The following DOCK4 variants were observed in gnomAD, a reference collection of about 807,000 sequenced individuals.
DOCK4 encodes the protein dedicator of cytokinesis 4.
DOCK4 carries 97 observed loss-of-function variants against 268.1 expected under a neutral mutation model. That is an observed-to-expected ratio of 0.36 (90% CI 0.31 to 0.43). DOCK4 has a LOEUF of 0.43. Ranked by LOEUF, DOCK4 falls within the 20% of genes least tolerant of loss-of-function variation. The pLI, the probability that DOCK4 is intolerant of heterozygous loss-of-function variation, is 1.00. For missense variants in DOCK4, 2,145 were observed against 2,455.7 expected, an observed-to-expected ratio of 0.87 and a Z score of 2.67; for synonymous variants, 954 against 887.2, an observed-to-expected ratio of 1.08 and a Z score of -1.34.
At chr7:112,119,379 A>G (rs559762232) in intron 1 of DOCK4, among the ~76,000 whole-genome samples, 73 of 151,942 alleles carry the variant, frequency 4.8e-4, no homozygotes, top group Middle Eastern at 6.8e-3. Context: ...AAATATGTCC[A>G]GGGCAAGACA....
intron 34 of DOCK4, among the ~76,000 whole-genome samples, chr7:111,783,443 G>A (rs1484326839): frequency 2.0e-5 from 3 of 151,958 alleles, no homozygotes; most frequent in Non-Finnish European, 1.5e-5. Context: ...TCTCACCCAC[G>A]TCCCCTTTTT....
intron 36 of DOCK4, among the ~76,000 whole-genome samples, chr7:111,770,605 G>A (rs1433719372): frequency 1.3e-5 from 2 of 152,154 alleles, no homozygotes. Flanking sequence ...TAGCCCAATA[G>A]ATCAAGAATA....
At chr7:112,125,242 C>T (rs758045108) in intron 1 of DOCK4, among the ~76,000 whole-genome samples, 1 of 152,176 alleles carries the variant, frequency 6.6e-6, no homozygotes, top group African/African-American at 2.4e-5. Flanking sequence ...ATGCTCCCCC[C>T]CTGCCCCATC....
intron 26 of DOCK4, among the ~76,000 whole-genome samples, chr7:111,823,874 A>G (rs1253660418): frequency 2.6e-5 from 4 of 152,212 alleles, no homozygotes; most frequent in Non-Finnish European, 4.4e-5. Context: ...GTTGTCACTC[A>G]TGTGCACAGA....
At chr7:112,122,236 A>G (rs1261681125) in intron 1 of DOCK4, among the ~76,000 whole-genome samples, 1 of 152,180 alleles carries the variant, frequency 6.6e-6, no homozygotes, top group Admixed American at 6.5e-5. Context: ...ACAGTTCAGT[A>G]GTGTTAAGTA....
Position 111,936,467 on chromosome 7 carries a change from A to G in DOCK4, c.978-839T>C, listed in dbSNP as rs192769961. 2.3e-3 allele frequency among the ~76,000 whole-genome samples: 346 copies of G among 150,886 alleles called. 3 individuals carry two copies. The highest frequency in any genetic ancestry group is 2.7e-3 in the Non-Finnish European group (182 of 67,920). On this transcript the variant is annotated intron_variant, in intron 11 of 52. Coordinates refer to ENST00000428084, the MANE Select transcript of DOCK4 (RefSeq NM_001363540.2). Reference sequence around the variant, plus strand: ...GTACTTTGAATGCTGTGGATGCTTAAAAACTGTCAGTGGTATGAATGGATG... The same window carrying G: ...GTACTTTGAATGCTGTGGATGCTTAGAAACTGTCAGTGGTATGAATGGATG...
At chr7:112,165,315 C>G (rs1340411626) in intron 1 of DOCK4, among the ~76,000 whole-genome samples, 1 of 151,504 alleles carries the variant, frequency 6.6e-6, no homozygotes, top group African/African-American at 2.4e-5. Flanking sequence ...TCCCCTCTCC[C>G]TTCCACTCAT....
chr7:111,846,181 C>A (rs1804083552), intron 24 of DOCK4, among the ~76,000 whole-genome samples: 1 of 152,144 alleles, frequency 6.6e-6, no homozygotes, highest in Admixed American at 6.6e-5. Context: ...TCGTAAGTGA[C>A]AAATTGGGGA....
At chr7:112,170,138 T>C (rs2116591478) in intron 1 of DOCK4, among the ~76,000 whole-genome samples, 1 of 151,468 alleles carries the variant, frequency 6.6e-6, no homozygotes, top group Admixed American at 6.6e-5. Flanking sequence ...GAGAAAAAAA[T>C]AAAAGGCAAG....
chr7:112,067,216 AATCAGAAAAAAAAAACACCTTT>A (rs1277589665), intron 1 of DOCK4, among the ~76,000 whole-genome samples: 80 of 150,146 alleles, frequency 5.3e-4, no homozygotes, highest in African/African-American at 2.0e-3. Context: ...TTATATTTAT[AATCAGAAAAAAAAAACACCTTT>A]ACTTAAAAAA....
intron 1 of DOCK4, among the ~76,000 whole-genome samples, chr7:112,058,204 C>A (rs1460916881): frequency 6.6e-6 from 1 of 151,744 alleles, no homozygotes; most frequent in South Asian, 2.1e-4. Flanking sequence ...TATTTTTATT[C>A]GTTTCTCTTT....
In DOCK4 at chr7:112,193,890, T is replaced by C. The variant is rs112400551; in HGVS notation, c.37+12212A>G. 5.9e-5 allele frequency among the ~76,000 whole-genome samples: 9 copies of C among 152,182 alleles called. 2 individuals are homozygous for C. The highest frequency in any genetic ancestry group is 2.2e-4 in the African/African-American group (9 of 41,534). The stretch of plus-strand genomic sequence containing the variant: ...TCCTGGTGAGGACTCTCTTCCTGGC[T>C]TGCAGACTGCCACCTTCTTGCTGCA... On this transcript the variant is annotated intron_variant, in intron 1 of 52. Coordinates refer to ENST00000428084, the MANE Select transcript of DOCK4 (RefSeq NM_001363540.2).
intron 16 of DOCK4, among the ~76,000 whole-genome samples, chr7:111,893,572 GTTATA>G (rs1756698799): frequency 6.6e-6 from 1 of 152,208 alleles, no homozygotes; most frequent in Admixed American, 6.5e-5. Context: ...GACATTGCCT[GTTATA>G]TTATATATCT....
intron 6 of DOCK4, among the ~76,000 whole-genome samples, chr7:111,988,644 T>A (rs892846404): frequency 2.2e-4 from 34 of 152,278 alleles, no homozygotes; most frequent in African/African-American, 8.2e-4. Flanking sequence ...CCTATTACCA[T>A]GACATGGAAA....
At position 111,935,270 on chromosome 7, in the gene DOCK4, C is replaced by T. The variant is rs1227209642; in HGVS notation, c.1066+270G>A. On this transcript the variant is annotated intron_variant, in intron 12 of 52. Coordinates refer to ENST00000428084, the MANE Select transcript of DOCK4 (RefSeq NM_001363540.2). Reference sequence around the variant, plus strand: ...GCTGATTTTTAGTTTTCAATAACAACTTAGGAGTATGAAGACTTGGTACCA... The same window carrying T: ...GCTGATTTTTAGTTTTCAATAACAATTTAGGAGTATGAAGACTTGGTACCA... 5 of 444,014 alleles carry T rather than the reference C, an allele frequency of 1.1e-5. No homozygotes were observed. In the East Asian group the frequency reaches 1.5e-4, roughly 14 times the overall value. The allele number at this position is 444,014 out of a possible 1,614,324, so 27.5% of individuals were successfully genotyped here.
In DOCK4 at chr7:111,732,215, A is replaced by C. The variant is rs1175805980; in HGVS notation, c.5481+11T>G. 4 of 1,613,684 alleles carry C rather than the reference A, an allele frequency of 2.5e-6. No homozygotes were observed. The Admixed American group carries it at 6.7e-5, about 27-fold the overall frequency. The stretch of plus-strand genomic sequence containing the variant: ...CCAGTCTCTAGCCTCAGTCGAAAGA[A>C]GGGCCTTTACCTTCAATGGAGATCG... On this transcript the variant is annotated intron_variant, in intron 52 of 52. Transcript: ENST00000428084.
intron 30 of DOCK4, among the ~76,000 whole-genome samples, chr7:111,803,483 T>C (rs1800450960): frequency 6.6e-6 from 1 of 152,258 alleles, no homozygotes; most frequent in African/African-American, 2.4e-5. Context: ...TTTATATTTA[T>C]GCACACAGAA....
chr7:112,018,179 A>AAAAAAAAAAACACAC lies in DOCK4; in HGVS notation c.38-14049_38-14048insGTGTGTTTTTTTTTT. ...AAAAAAAAAAAAAAAAAAAAAAAAA[A>AAAAAAAAAAACACAC]ACACAGGCAACCAGTATTCATGTGG... On this transcript the variant is annotated intron_variant, in intron 1 of 52. Transcript: ENST00000428084. Among the ~76,000 whole-genome samples the AAAAAAAAAAACACAC allele has an allele frequency of 2.8e-4, 20 of 72,626 alleles. 3 individuals carry two copies. Among genetic ancestry groups the AAAAAAAAAAACACAC allele is most frequent in the Middle Eastern group, 7.4e-3 (1 of 136 alleles). The allele number at this position is 72,626 out of a possible 152,430, so 47.6% of individuals were successfully genotyped here.
intron 16 of DOCK4, among the ~76,000 whole-genome samples, chr7:111,878,392 G>A (rs1586247705): frequency 6.6e-6 from 1 of 152,172 alleles, no homozygotes; most frequent in African/African-American, 2.4e-5. Context: ...CCAAGATGAT[G>A]GAATAGAAGC....
Sources: gnomAD v4.1 joint callset for allele counts (sites outside exome capture counted in the v4.1 genomes callset) on GRCh38, gnomAD v4.1.1 for gene constraint, MANE v1.5 for transcripts, NCBI Gene and HGNC (gene_info 2026-07-23, HGNC 2026-07-21) for gene names.